The following FBXW11 variants were observed in gnomAD, a reference collection of about 807,000 sequenced individuals.
FBXW11 encodes the protein F-box and WD repeat domain containing 11, also known as F-box/WD repeat-containing protein 11.
In FBXW11, 19 loss-of-function variants were observed where a neutral mutation model predicts 77.6. That is an observed-to-expected ratio of 0.24 (90% CI 0.17 to 0.36). FBXW11 has a LOEUF of 0.36. Among genes scored for constraint, FBXW11 ranks in the 10% least tolerant of loss-of-function variants. The pLI, the probability that FBXW11 is intolerant of heterozygous loss-of-function variation, is 1.00. For missense variants in FBXW11, 334 were observed against 704.2 expected (o/e 0.47, Z 5.95); for synonymous variants, 235 against 249.4 (o/e 0.94, Z 0.54).
intron 1 of FBXW11, among the ~76,000 whole-genome samples, chr5:171,969,955 T>A (rs1764433369): frequency 6.6e-6 from 1 of 152,206 alleles, no homozygotes; most frequent in African/African-American, 2.4e-5. Flanking sequence ...TCTGCCCACC[T>A]CAGCCTCCCA....
At chr5:171,990,639 TTTAAA>T (rs1224361395) in intron 1 of FBXW11, among the ~76,000 whole-genome samples, 1 of 152,192 alleles carries the variant, frequency 6.6e-6, no homozygotes, top group African/African-American at 2.4e-5. Context: ...GCATGTATCT[TTTAAA>T]TTAAATTATC....
At chr5:171,900,824 T>C (rs968160840) in intron 4 of FBXW11, among the ~76,000 whole-genome samples, 4 of 152,136 alleles carry the variant, frequency 2.6e-5, no homozygotes, top group Non-Finnish European at 5.9e-5. Flanking sequence ...TTAGAGGTCA[T>C]TGGCTTCAAC....
chr5:171,924,860 T>C lies in FBXW11; in HGVS notation c.148-10455A>G, dbSNP rs1382642698. ...GACCTCGCCACTCCCAGAGCCAGAG[T>C]TGCGACATGCTGTAACACCCTCTTT... On this transcript the variant is annotated intron_variant, in intron 2 of 13. Coordinates refer to ENST00000517395, the MANE Select transcript of FBXW11 (RefSeq NM_001378974.1). Among the ~76,000 whole-genome samples, 5 of 144,122 alleles carry C rather than the reference T, an allele frequency of 3.5e-5. No individual in the cohort carries two copies. In the East Asian group the frequency reaches 1.1e-3, roughly 32 times the overall value. 94.5% of individuals were successfully genotyped at this position (144,122 alleles called of 152,430 possible).
At chr5:172,003,805 A>G (rs1766563038) in intron 1 of FBXW11, among the ~76,000 whole-genome samples, 1 of 152,206 alleles carries the variant, frequency 6.6e-6, no homozygotes, top group South Asian at 2.1e-4. Context: ...AGAAGAATCA[A>G]TATTAAGGAA....
intron 1 of FBXW11, among the ~76,000 whole-genome samples, chr5:171,961,645 AT>A (rs1261280423): frequency 7.2e-6 from 1 of 139,540 alleles, no homozygotes; most frequent in Non-Finnish European, 1.5e-5. Flanking sequence ...CACAACAGTA[AT>A]TGATTTTTTT....
Position 171,868,647 on chromosome 5 carries a change from G to A in FBXW11, c.1680C>T (p.Tyr560=). 1 of 1,613,204 alleles carries A rather than the reference G, an allele frequency of 6.2e-7. No homozygotes were observed. Among genetic ancestry groups the A allele is most frequent in the Non-Finnish European group, 8.5e-7 (1 of 1,179,684 alleles). The part of the protein sequence containing the change: ...ETRSPSRTYT[Y]ISR ...AAAGTGCAGACTGTTATCTAGAGAT[G>A]TAAGTGTATGTTCTGGAGGGAGAAC... Residue 560 remains tyrosine (Y), a synonymous_variant, in exon 13 of 14, where the codon TAC becomes TAT. Transcript: ENST00000517395.
intron 2 of FBXW11, among the ~76,000 whole-genome samples, chr5:171,930,770 A>T (rs1490905823): frequency 1.6e-4 from 23 of 140,700 alleles, no homozygotes; most frequent in African/African-American, 5.0e-4. Flanking sequence ...AATAAAAAAA[A>T]AAAAAAGAAA....
At chr5:171,921,074 T>C (rs1761567538) in intron 2 of FBXW11, among the ~76,000 whole-genome samples, 1 of 152,230 alleles carries the variant, frequency 6.6e-6, no homozygotes. Context: ...TGCTATGGAA[T>C]CTCAGCTACC....
intron 3 of FBXW11, among the ~76,000 whole-genome samples, chr5:171,913,766 C>T (rs1345913530): frequency 2.0e-5 from 3 of 150,730 alleles, no homozygotes; most frequent in Non-Finnish European, 3.0e-5. Context: ...GGTTGATAAA[C>T]CACCAAATCG....
At chr5:171,951,543 AG>A (rs1329488283) in intron 2 of FBXW11, among the ~76,000 whole-genome samples, 4 of 151,136 alleles carry the variant, frequency 2.6e-5, no homozygotes, top group South Asian at 2.1e-4. Context: ...TCTCAAAAAA[AG>A]AGAGAGAGAA....
intron 2 of FBXW11, among the ~76,000 whole-genome samples, chr5:171,948,010 C>T (rs1277557737): frequency 4.6e-5 from 7 of 150,582 alleles, no homozygotes; most frequent in African/African-American, 7.3e-5. Flanking sequence ...CCAAGGTGGG[C>T]GGATCACGGG....
chr5:171,997,136 A>G (rs1268665219), intron 1 of FBXW11: 1 of 1,155,604 alleles, frequency 8.7e-7, no homozygotes, highest in Non-Finnish European at 1.2e-6. Context: ...GGAAGGGTCA[A>G]TGGAATGGTG....
chr5:172,000,099 A>C lies in FBXW11; in HGVS notation c.45+6359T>G, dbSNP rs558070276. 2.7e-4 allele frequency among the ~76,000 whole-genome samples: 41 copies of C among 152,312 alleles called. 1 individual carries two copies. Among genetic ancestry groups the C allele is most frequent in the African/African-American group, 9.6e-4 (40 of 41,552 alleles). ...CAATTGCGATCAGCAGAAACTAACC[A>C]AGGGTAACGAGCACATTCTTAACCA... On this transcript the variant is annotated intron_variant, in intron 1 of 13. Coordinates refer to ENST00000517395, the MANE Select transcript of FBXW11 (RefSeq NM_001378974.1).
chr5:171,957,777 A>G, intron 1 of FBXW11, 79 bp from the exon 2 acceptor site: 16 of 1,223,316 alleles, frequency 1.3e-5, no homozygotes, highest in Non-Finnish European at 1.9e-5. Flanking sequence ...AGGCAACTTG[A>G]ATGTTAGTTG....
chr5:171,962,876 A>G (rs982003332), intron 1 of FBXW11, among the ~76,000 whole-genome samples: 2 of 152,180 alleles, frequency 1.3e-5, no homozygotes, highest in Non-Finnish European at 2.9e-5. Flanking sequence ...AAATTTCCCC[A>G]AAGAGGTATT....
rs1352089923 is a variant in FBXW11, at chr5:171,892,891, T to C, written c.715-1287A>G. ...GCTAAAAGTCTAATTATTTGCTTTGTTGAAGGAGTACTTAATTACTGGCTC... is the reference window on the plus strand; with the variant it reads ...GCTAAAAGTCTAATTATTTGCTTTGCTGAAGGAGTACTTAATTACTGGCTC... On this transcript the variant is annotated intron_variant, in intron 6 of 13. Transcript: ENST00000517395. Among the ~76,000 whole-genome samples the C allele has an allele frequency of 1.3e-5, 2 of 152,238 alleles. 1 individual carries two copies. Among genetic ancestry groups the C allele is most frequent in the East Asian group, 3.8e-4 (2 of 5,198 alleles).
intron 4 of FBXW11, among the ~76,000 whole-genome samples, chr5:171,909,221 G>A (rs2113923822): frequency 6.6e-6 from 1 of 152,302 alleles, no homozygotes; most frequent in Admixed American, 6.5e-5. Context: ...GCTGAGGTAG[G>A]AGTATCACTT....
At chr5:171,886,476 G>A (rs185855474) in intron 7 of FBXW11, among the ~76,000 whole-genome samples, 2,228 of 151,876 alleles carry the variant, frequency 0.015, 37 homozygotes, top group South Asian at 0.05. Flanking sequence ...AATGTTAAAC[G>A]AAGAGTTAAT....
chr5:171,892,209 A>T (rs954280785), intron 6 of FBXW11, among the ~76,000 whole-genome samples: 17 of 152,228 alleles, frequency 1.1e-4, no homozygotes, highest in African/African-American at 3.4e-4. Flanking sequence ...CTGAGGATAA[A>T]AAGATCAACA....
Sources: gnomAD v4.1 joint callset for allele counts (sites outside exome capture counted in the v4.1 genomes callset) on GRCh38, gnomAD v4.1.1 for gene constraint, MANE v1.5 for transcripts, NCBI Gene and HGNC (gene_info 2026-07-23, HGNC 2026-07-21) for gene names.